The following PTPRD variants were observed in gnomAD, a reference collection of about 807,000 sequenced individuals.
PTPRD encodes the protein protein tyrosine phosphatase receptor type D, also known as receptor-type tyrosine-protein phosphatase delta.
Under a neutral mutation model 214.5 loss-of-function variants are expected in PTPRD, and 34 were observed. That is an observed-to-expected ratio of 0.16 (90% confidence interval 0.12 to 0.21). The LOEUF is 0.21. Ranked by LOEUF, PTPRD falls within the 10% of genes least tolerant of loss-of-function variation. The pLI, the probability that PTPRD is intolerant of heterozygous loss-of-function variation, is 1.00. For synonymous variants in PTPRD, 1,128 were observed against 845.7 expected (o/e 1.33, Z -5.79); for missense variants, 2,545 against 2,398.7 (o/e 1.06, Z -1.27).
intron 8 of PTPRD, among the ~76,000 whole-genome samples, chr9:9,432,358 C>G (rs10977741): frequency 0.12 from 18,157 of 151,964 alleles, 1,494 homozygotes; most frequent in African/African-American, 0.23. Context: ...TTAAAATGTA[C>G]TTTGCATGCT....
At chr9:9,118,186 A>C (rs2099814162) in intron 10 of PTPRD, among the ~76,000 whole-genome samples, 1 of 152,212 alleles carries the variant, frequency 6.6e-6, no homozygotes, top group Non-Finnish European at 1.5e-5. Flanking sequence ...AAAGATGCAT[A>C]ACACTATAAA....
rs76049268 is a variant in PTPRD, at chr9:8,570,620, G to A, written c.353-41841C>T. Among the ~76,000 whole-genome samples the A allele has an allele frequency of 1.6e-3, 238 of 152,120 alleles. 1 individual carries two copies. Among genetic ancestry groups the A allele is most frequent in the Admixed American group, 5.0e-3 (76 of 15,276 alleles). On this transcript the variant is annotated intron_variant, in intron 14 of 45. Transcript: ENST00000381196. ...GGCACATTCTTAAGTCAACTTGCAT[G>A]GTTGTGGCTATTTGTCAAAACTTAC...
chr9:9,010,946 T>C (rs2099509335), intron 11 of PTPRD, among the ~76,000 whole-genome samples: 2 of 152,150 alleles, frequency 1.3e-5, no homozygotes, highest in Admixed American at 1.3e-4. Flanking sequence ...TAAATACCAT[T>C]ATTTTTAAAT....
intron 12 of PTPRD, among the ~76,000 whole-genome samples, chr9:8,715,994 G>A (rs901348556): frequency 1.3e-5 from 2 of 152,224 alleles, no homozygotes; most frequent in African/African-American, 4.8e-5. Flanking sequence ...TTCACTGGCT[G>A]AACTACTGTT....
chr9:9,803,527 G>C (rs1033383351), intron 5 of PTPRD, among the ~76,000 whole-genome samples: 1 of 151,828 alleles, frequency 6.6e-6, no homozygotes, highest in Non-Finnish European at 1.5e-5. Context: ...ATCATGATGA[G>C]CATCCCAAAT....
chr9:10,115,081 C>T (rs115512824), intron 3 of PTPRD, among the ~76,000 whole-genome samples: 79 of 151,734 alleles, frequency 5.2e-4, no homozygotes, highest in African/African-American at 1.9e-3. Flanking sequence ...CTCTCACAGC[C>T]TGTGGCAAGG....
At chr9:10,460,140 A>C (rs1157818550) in intron 2 of PTPRD, among the ~76,000 whole-genome samples, 3 of 152,090 alleles carry the variant, frequency 2.0e-5, no homozygotes, top group Non-Finnish European at 4.4e-5. Context: ...TCCCATTTAC[A>C]ATAGCATAAA....
chr9:9,621,471 T>C (rs1273826881), intron 7 of PTPRD, among the ~76,000 whole-genome samples: 2 of 152,188 alleles, frequency 1.3e-5, no homozygotes, highest in African/African-American at 4.8e-5. Flanking sequence ...TGCAGAACAA[T>C]GGAGTCAGAC....
At chr9:8,870,418 G>C (rs1362712809) in intron 11 of PTPRD, among the ~76,000 whole-genome samples, 1 of 152,032 alleles carries the variant, frequency 6.6e-6, no homozygotes, top group Admixed American at 6.6e-5. Context: ...CACTTGACTA[G>C]AATTGAAGAT....
chr9:9,617,720 G>A (rs891011414), intron 7 of PTPRD, among the ~76,000 whole-genome samples: 5 of 152,112 alleles, frequency 3.3e-5, no homozygotes, highest in African/African-American at 9.7e-5. Flanking sequence ...AGGATGGTGA[G>A]GGTGTCCTCT....
chr9:8,338,080 C>T (rs1588045842), intron 43 of PTPRD, among the ~76,000 whole-genome samples: 1 of 152,034 alleles, frequency 6.6e-6, no homozygotes, highest in African/African-American at 2.4e-5. Context: ...CAGACAATCT[C>T]CAAACCTAAG....
chr9:10,353,448 TATA>T (rs750500576), intron 2 of PTPRD, among the ~76,000 whole-genome samples: 1 of 151,986 alleles, frequency 6.6e-6, no homozygotes, highest in Non-Finnish European at 1.5e-5. Flanking sequence ...TTCACATCAT[TATA>T]ATAAGAACTA....
intron 2 of PTPRD, among the ~76,000 whole-genome samples, chr9:10,466,934 T>C (rs1032935865): frequency 2.2e-4 from 34 of 152,292 alleles, no homozygotes; most frequent in African/African-American, 6.3e-4. Context: ...GAGATGTAGA[T>C]GCTGAATGTC....
intron 9 of PTPRD, among the ~76,000 whole-genome samples, chr9:9,335,888 A>T (rs909212342): frequency 2.0e-5 from 3 of 152,120 alleles, no homozygotes; most frequent in African/African-American, 7.2e-5. Context: ...AACATGTTCA[A>T]ATACACACTA....
intron 4 of PTPRD, among the ~76,000 whole-genome samples, chr9:9,947,759 C>T (rs921792468): frequency 7.0e-6 from 1 of 143,770 alleles, no homozygotes. Context: ...AGTTCATCTT[C>T]CAAGAGACTT....
At chr9:9,239,086 C>G (rs1311962858) in intron 9 of PTPRD, among the ~76,000 whole-genome samples, 2 of 151,940 alleles carry the variant, frequency 1.3e-5, no homozygotes, top group African/African-American at 4.8e-5. Context: ...CTCCCTGTGC[C>G]CATGAGATGT....
intron 5 of PTPRD, among the ~76,000 whole-genome samples, chr9:9,859,055 TGTTCTCGTGACAGTGA>T (rs2062125530): frequency 6.6e-6 from 1 of 152,168 alleles, no homozygotes. Flanking sequence ...TTCCTCATGC[TGTTCTCGTGACAGTGA>T]GTTCTCAAAA....
rs191955852 is a variant in PTPRD at position 10,474,786 on chromosome 9, C to A, written c.-599-133769G>T. Among the ~76,000 whole-genome samples the A allele has an allele frequency of 2.1e-3, 313 of 152,246 alleles. 2 individuals are homozygous for A. The highest frequency in any genetic ancestry group is 7.1e-3 in the African/African-American group (295 of 41,564). On this transcript the variant is annotated intron_variant, in intron 2 of 45. Coordinates refer to ENST00000381196, the MANE Select transcript of PTPRD (RefSeq NM_002839.4). ...GAATGGAAATCATAACAAACAGTCA[C>A]TCAGACCACAGTGCAATCAAATTAG...
At chr9:8,623,375 T>G (rs2154303430) in intron 14 of PTPRD, among the ~76,000 whole-genome samples, 1 of 152,066 alleles carries the variant, frequency 6.6e-6, no homozygotes, top group East Asian at 1.9e-4. Flanking sequence ...AAATATTTTG[T>G]GGATCCTACA....
Sources: gnomAD v4.1 joint callset for allele counts (sites outside exome capture counted in the v4.1 genomes callset) on GRCh38, gnomAD v4.1.1 for gene constraint, MANE v1.5 for transcripts, NCBI Gene and HGNC (gene_info 2026-07-23, HGNC 2026-07-21) for gene names.